The following MTHFD2L variants were observed in gnomAD, a reference collection of about 807,000 sequenced individuals.
The protein encoded by MTHFD2L is methylenetetrahydrofolate dehydrogenase (NADP+ dependent) 2 like, also known as bifunctional methylenetetrahydrofolate dehydrogenase/cyclohydrolase 2, mitochondrial.
MTHFD2L carries 29 observed loss-of-function variants against 34.9 expected under a neutral mutation model. That is an observed-to-expected ratio of 0.83 (90% CI 0.62 to 1.13). The LOEUF (loss-of-function observed/expected upper bound fraction) is 1.13. Ranked by LOEUF, MTHFD2L falls within the 50% of genes most tolerant of loss-of-function variation. The pLI, the probability that MTHFD2L is intolerant of heterozygous loss-of-function variation, is 0.00. For missense variants in MTHFD2L, 481 were observed against 446.5 expected, an observed-to-expected ratio of 1.08 and a Z score of -0.70; for synonymous variants, 167 against 155.7, an observed-to-expected ratio of 1.07 and a Z score of -0.54.
At chr4:74,178,774 T>C (rs1014746130) in intron 3 of MTHFD2L, among the ~76,000 whole-genome samples, 3 of 152,090 alleles carry the variant, frequency 2.0e-5, no homozygotes, top group Non-Finnish European at 4.4e-5. Context: ...ACCCATTGGA[T>C]CCTCACAATA....
intron 1 of MTHFD2L, chr4:74,161,878 A>G (rs1298785830): frequency 1.3e-5 from 2 of 152,232 alleles, no homozygotes; most frequent in Non-Finnish European, 2.9e-5. Flanking sequence ...GCTCAGTGAA[A>G]TTACACTTTG....
chr4:74,139,839 A>G (rs183970313), intron 1 of MTHFD2L, among the ~76,000 whole-genome samples: 27 of 152,238 alleles, frequency 1.8e-4, no homozygotes, highest in Non-Finnish European at 2.9e-4. Context: ...TTCATTTCCT[A>G]GATTAGTAAA....
intron 6 of MTHFD2L, among the ~76,000 whole-genome samples, chr4:74,261,111 G>A (rs1421804487): frequency 6.6e-6 from 1 of 151,964 alleles, no homozygotes; most frequent in African/African-American, 2.4e-5. Context: ...ATATTTTCCA[G>A]CATTGTATTG....
intron 7 of MTHFD2L, among the ~76,000 whole-genome samples, chr4:74,300,258 T>G (rs894107406): frequency 6.6e-6 from 1 of 152,028 alleles, no homozygotes; most frequent in Non-Finnish European, 1.5e-5. Flanking sequence ...ACTATATATA[T>G]TTTGTGATGT....
At chr4:74,174,979 G>A (rs16850531) in intron 2 of MTHFD2L, among the ~76,000 whole-genome samples, 16,258 of 152,064 alleles carry the variant, frequency 0.11, 1,706 homozygotes, top group African/African-American at 0.27. Flanking sequence ...TAATAAACCT[G>A]GCTTGTTCAC....
At chr4:74,260,388 C>T (rs1313512668) in intron 6 of MTHFD2L, among the ~76,000 whole-genome samples, 1 of 152,130 alleles carries the variant, frequency 6.6e-6, no homozygotes, top group Non-Finnish European at 1.5e-5. Flanking sequence ...ATGGTCTTGT[C>T]TCTCTTGGTG....
intron 6 of MTHFD2L, among the ~76,000 whole-genome samples, chr4:74,234,461 G>T (rs1468348690): frequency 2.0e-5 from 3 of 151,916 alleles, no homozygotes; most frequent in African/African-American, 7.2e-5. Context: ...ATACTCAATT[G>T]CTGAGTATCC....
At chr4:74,295,051 G>C (rs1293271694) in intron 7 of MTHFD2L, among the ~76,000 whole-genome samples, 1 of 152,002 alleles carries the variant, frequency 6.6e-6, no homozygotes, top group Non-Finnish European at 1.5e-5. Flanking sequence ...TTACAAAAAT[G>C]ATCACTCCTA....
chr4:74,206,647 A>ATT (rs947735298), intron 5 of MTHFD2L, among the ~76,000 whole-genome samples: 1 of 147,412 alleles, frequency 6.8e-6, no homozygotes, highest in African/African-American at 2.5e-5. Context: ...GCCCAGTTAC[A>ATT]TTTTTTTTTT....
chr4:74,175,248 T>C (rs375851953), intron 2 of MTHFD2L, 33 bp from the exon 3 acceptor site: 2 of 1,603,766 alleles, frequency 1.2e-6, no homozygotes, highest in African/African-American at 2.7e-5. Flanking sequence ...ATTCAGTTAG[T>C]CAAGTGACCT....
chr4:74,251,189 A>G (rs1030941720), intron 6 of MTHFD2L, among the ~76,000 whole-genome samples: 1 of 152,142 alleles, frequency 6.6e-6, no homozygotes, highest in African/African-American at 2.4e-5. Context: ...TGTCATGTTC[A>G]TTTCTCCAAA....
At chr4:74,228,008 G>A (rs1379145145) in intron 6 of MTHFD2L, among the ~76,000 whole-genome samples, 1 of 152,088 alleles carries the variant, frequency 6.6e-6, no homozygotes, top group Non-Finnish European at 1.5e-5. Flanking sequence ...ATGACTGCAG[G>A]AACAGTAGTT....
At chr4:74,136,446 C>G (rs1406901436) in intron 1 of MTHFD2L, among the ~76,000 whole-genome samples, 6 of 151,914 alleles carry the variant, frequency 3.9e-5, no homozygotes, top group African/African-American at 1.4e-4. Context: ...ACAAGAAAAA[C>G]TATAAAACTC....
At chr4:74,170,407 A>C (rs1199575133) in intron 1 of MTHFD2L, among the ~76,000 whole-genome samples, 1 of 152,238 alleles carries the variant, frequency 6.6e-6, no homozygotes, top group African/African-American at 2.4e-5. Context: ...AACACTTGGC[A>C]GTAGCCTCAT....
At chr4:74,212,040 A>T (rs1055469650) in intron 5 of MTHFD2L, among the ~76,000 whole-genome samples, 1 of 151,874 alleles carries the variant, frequency 6.6e-6, no homozygotes, top group Non-Finnish European at 1.5e-5. Flanking sequence ...TATCCCCTTT[A>T]TCATTTTTTG....
intron 6 of MTHFD2L, 92 bp downstream of exon 6, chr4:74,225,486 G>A: frequency 3.0e-6 from 3 of 1,014,358 alleles, no homozygotes; most frequent in Non-Finnish European, 3.0e-6. Flanking sequence ...TTTTGAGAGA[G>A]TTAGCTTTAT....
At chr4:74,272,461 C>T (rs1286028236) in intron 6 of MTHFD2L, among the ~76,000 whole-genome samples, 2 of 152,044 alleles carry the variant, frequency 1.3e-5, no homozygotes, top group African/African-American at 4.8e-5. Context: ...AGAAACTGGG[C>T]ATTTGATTTC....
At chr4:74,117,594 A>C (rs144785432) in intron 2 of MTHFD2L, among the ~76,000 whole-genome samples, 3 of 152,344 alleles carry the variant, frequency 2.0e-5, no homozygotes, top group African/African-American at 7.2e-5. Flanking sequence ...TATATAGATC[A>C]ATAGCTTCCC....
chr4:74,138,784 T>G (rs1232190076), intron 1 of MTHFD2L, among the ~76,000 whole-genome samples: 1 of 151,838 alleles, frequency 6.6e-6, no homozygotes, highest in Non-Finnish European at 1.5e-5. Flanking sequence ...AAAACAGAGC[T>G]CCCATACAAT....
Sources: allele counts gnomAD v4.1 joint callset (sites outside exome capture counted in the v4.1 genomes callset), GRCh38; gene constraint gnomAD v4.1.1; transcripts MANE v1.5; gene names NCBI Gene and HGNC (gene_info 2026-07-23, HGNC 2026-07-21).